Variants in MGLL observed in about 807,000 individuals in gnomAD.
MGLL encodes lysophospholipase homolog.
MGLL carries 7 observed loss-of-function variants against 29.1 expected under a neutral mutation model. The observed-to-expected ratio is 0.24, with a 90% CI of 0.14 to 0.45. The LOEUF is 0.45. MGLL is among the 20% of genes least tolerant of loss of function. MGLL has a pLI of 0.99. For missense variants in MGLL, 356 were observed against 413.6 expected, an observed-to-expected ratio of 0.86 and a Z score of 1.21; for synonymous variants, 148 against 168.3, an observed-to-expected ratio of 0.88 and a Z score of 0.93.
intron 5 of MGLL, among the ~76,000 whole-genome samples, chr3:127,718,029 C>A (rs908606380): frequency 6.6e-6 from 1 of 152,184 alleles, no homozygotes; most frequent in African/African-American, 2.4e-5. Context: ...GGGGCCCCCC[C>A]ATCCATCCTC....
chr3:127,803,250 G>C (rs569105807), intron 2 of MGLL, among the ~76,000 whole-genome samples: 1 of 152,316 alleles, frequency 6.6e-6, no homozygotes, highest in East Asian at 1.9e-4. Context: ...AAAGTGCTGA[G>C]ATTACAGGCG....
intron 3 of MGLL, among the ~76,000 whole-genome samples, chr3:127,777,231 G>A (rs745548287): frequency 3.4e-4 from 51 of 152,182 alleles, no homozygotes; most frequent in Non-Finnish European, 6.0e-4. Flanking sequence ...GGATGGGTGA[G>A]ATGAAAGGAA....
At chr3:127,728,539 A>G (rs1294165289) in intron 3 of MGLL, among the ~76,000 whole-genome samples, 5 of 152,236 alleles carry the variant, frequency 3.3e-5, no homozygotes, top group African/African-American at 1.2e-4. Context: ...TCTGTGTCAC[A>G]GATCCCAGAC....
At chr3:127,694,262 T>C (rs2075302898) in intron 7 of MGLL, among the ~76,000 whole-genome samples, 2 of 117,874 alleles carry the variant, frequency 1.7e-5, no homozygotes, top group African/African-American at 3.5e-5. Flanking sequence ...AGAGGGATAC[T>C]CTGTCTGAAA....
chr3:127,712,981 A>G (rs1263150182), intron 5 of MGLL: 1 of 152,310 alleles, frequency 6.6e-6, no homozygotes, highest in African/African-American at 2.4e-5. Context: ...GGATCAGTGC[A>G]TAAAGGCAGT....
intron 2 of MGLL, among the ~76,000 whole-genome samples, chr3:127,790,881 C>A (rs961295395): frequency 6.6e-6 from 1 of 152,162 alleles, no homozygotes; most frequent in Non-Finnish European, 1.5e-5. Flanking sequence ...TCCGCTCACA[C>A]TGACAGATCC....
intron 5 of MGLL, among the ~76,000 whole-genome samples, chr3:127,714,327 G>A (rs1238023316): frequency 1.3e-5 from 2 of 152,178 alleles, no homozygotes; most frequent in Non-Finnish European, 2.9e-5. Flanking sequence ...CTGCTCAGGA[G>A]TGGAGGCAGA....
At chr3:127,822,073 T>C in intron 1 of MGLL, 1 of 651,450 alleles carries the variant, frequency 1.5e-6, no homozygotes, top group East Asian at 2.8e-5. Context: ...CATTACAGTT[T>C]TTCCCCCTTC....
At chr3:127,721,512 T>TTTG (rs1430005835) in intron 4 of MGLL, among the ~76,000 whole-genome samples, 1 of 149,118 alleles carries the variant, frequency 6.7e-6, no homozygotes, top group Admixed American at 6.7e-5. Flanking sequence ...GGAGGGTTTT[T>TTTG]TTTTTTTTTT....
At chr3:127,714,191 G>C (rs1201423741) in intron 5 of MGLL, 8 of 152,120 alleles carry the variant, frequency 5.3e-5, no homozygotes, top group Non-Finnish European at 1.0e-4. Flanking sequence ...AGTGATTCCT[G>C]GCAGCTGAAC....
In MGLL at chr3:127,735,900, A is replaced by G. The variant is rs780453774; in HGVS notation, c.263-13334T>C. ...GATTTTCTCCTGTTCAGCTCTGCAA[A>G]GAGATGGGGCAGCTGGTCTGCACCT... On this transcript the variant is annotated intron_variant, in intron 3 of 7. Transcript: ENST00000265052. The G allele has an allele frequency of 1.9e-6, 3 of 1,548,496 alleles. No homozygotes were observed. The South Asian group carries it at 3.5e-5, about 18-fold the overall frequency.
intron 3 of MGLL, among the ~76,000 whole-genome samples, chr3:127,765,864 C>T (rs140096986): frequency 5.3e-4 from 80 of 152,322 alleles, no homozygotes; most frequent in African/African-American, 1.8e-3. Flanking sequence ...AAAAAAGTTT[C>T]TCTTCTCAGC....
intron 2 of MGLL, among the ~76,000 whole-genome samples, chr3:127,816,550 G>T (rs1305311415): frequency 6.6e-6 from 1 of 152,148 alleles, no homozygotes; most frequent in Non-Finnish European, 1.5e-5. Flanking sequence ...TCTGGCTGGG[G>T]GCTGATGTGA....
At chr3:127,802,324 G>A (rs1314827015) in intron 2 of MGLL, among the ~76,000 whole-genome samples, 1 of 152,120 alleles carries the variant, frequency 6.6e-6, no homozygotes, top group Non-Finnish European at 1.5e-5. Context: ...AAAGTGTGGA[G>A]GCCCACCGAG....
intron 3 of MGLL, among the ~76,000 whole-genome samples, chr3:127,747,030 T>C (rs1049814024): frequency 2.0e-5 from 3 of 152,162 alleles, no homozygotes; most frequent in African/African-American, 4.8e-5. Flanking sequence ...CACAAGTGGG[T>C]CATTCTGTGT....
intron 5 of MGLL, 99 bp from the exon 6 acceptor site, chr3:127,710,764 C>T (rs1051071858): frequency 1.9e-6 from 2 of 1,072,908 alleles, no homozygotes; most frequent in Non-Finnish European, 1.4e-6. Flanking sequence ...GAGTGATGCC[C>T]AAACTGAACA....
At chr3:127,718,389 G>C (rs2075856286) in intron 5 of MGLL, among the ~76,000 whole-genome samples, 1 of 152,150 alleles carries the variant, frequency 6.6e-6, no homozygotes, top group Admixed American at 6.5e-5. Flanking sequence ...CCACCAAACA[G>C]ATTTCCCAAA....
At position 127,754,327 on chromosome 3, in the gene MGLL, C is replaced by T. The variant is rs182530327; in HGVS notation, c.262+27462G>A. Reference sequence around the variant, plus strand: ...TTTTAGGGAATCAGTCCTGCTGTCACCCCCACAACCATAAAAGGCAAAATA... The same window carrying T: ...TTTTAGGGAATCAGTCCTGCTGTCATCCCCACAACCATAAAAGGCAAAATA... On this transcript the variant is annotated intron_variant, in intron 3 of 7. Coordinates refer to ENST00000265052, the MANE Select transcript of MGLL (RefSeq NM_007283.7). Among the ~76,000 whole-genome samples, 758 of 150,466 alleles carry T rather than the reference C, an allele frequency of 5.0e-3. 7 individuals carry two copies. Among genetic ancestry groups the T allele is most frequent in the African/African-American group, 0.017 (683 of 40,804 alleles).
At chr3:127,737,875 C>G (rs145028846) in intron 3 of MGLL, among the ~76,000 whole-genome samples, 1 of 151,838 alleles carries the variant, frequency 6.6e-6, no homozygotes, top group Non-Finnish European at 1.5e-5. Context: ...AACTTCTGAC[C>G]GCAGGTGATC....
Sources: allele counts gnomAD v4.1 joint callset (sites outside exome capture counted in the v4.1 genomes callset), GRCh38; gene constraint gnomAD v4.1.1; transcripts MANE v1.5; gene names NCBI Gene and HGNC (gene_info 2026-07-23, HGNC 2026-07-21).